The following TMCC1 variants were observed in gnomAD, a reference collection of about 807,000 sequenced individuals.
TMCC1 encodes the protein transmembrane and coiled-coil domains protein 1.
In TMCC1, 15 loss-of-function variants were observed where a neutral mutation model predicts 52.4. That is an observed-to-expected ratio of 0.29 (90% CI 0.19 to 0.44). TMCC1 has a LOEUF of 0.44. Ranked by LOEUF, TMCC1 falls within the 20% of genes least tolerant of loss-of-function variation. The pLI is 1.00. For synonymous variants in TMCC1, 279 were observed against 301.9 expected (o/e 0.92, Z 0.79); for missense variants, 503 against 806.0 (o/e 0.62, Z 4.55).
intron 5 of TMCC1, chr3:129,656,631 AT>A (rs1217184580): frequency 6.6e-6 from 1 of 152,168 alleles, no homozygotes; most frequent in Non-Finnish European, 1.5e-5. Flanking sequence ...AGAAACAAGG[AT>A]TTTTTTAAAA....
At chr3:129,685,356 G>A (rs1384090921) in intron 4 of TMCC1, among the ~76,000 whole-genome samples, 2 of 151,104 alleles carry the variant, frequency 1.3e-5, no homozygotes, top group African/African-American at 4.9e-5. Context: ...TCCAGCCTGC[G>A]CAACAGAGTG....
rs1001902319 is a variant in TMCC1 at position 129,649,924 on chromosome 3, T to A, written c.*1557A>T. On this transcript the variant is annotated 3_prime_UTR_variant, in exon 7 of 7. Transcript: ENST00000393238. ...GCTCAGTTCATTTTTCAAAACCATC[T>A]ATAGAAGTCCACTGAGCATAATTAG... 1 of 152,614 alleles carries A rather than the reference T, an allele frequency of 6.6e-6. No individual in the cohort carries two copies. Among genetic ancestry groups the A allele is most frequent in the Non-Finnish European group, 1.5e-5 (1 of 68,036 alleles). 9.5% of individuals were successfully genotyped at this position (152,614 alleles called of 1,614,324 possible). A position where few individuals can be genotyped will look rare whatever the true frequency, so the allele number is the denominator to read the frequency against.
intron 4 of TMCC1, among the ~76,000 whole-genome samples, chr3:129,781,862 A>G (rs1191276338): frequency 2.0e-5 from 3 of 152,200 alleles, no homozygotes; most frequent in African/African-American, 7.2e-5. Flanking sequence ...ATAAAACAGA[A>G]GAAAAAAGAT....
In TMCC1 at chr3:129,827,836, T is replaced by TGCAGCAGCA. The variant is rs759420997; in HGVS notation, c.534_542dup (p.Ala179_Ala181dup). 8.7e-6 allele frequency: 14 copies of TGCAGCAGCA among 1,601,146 alleles called. No individual in the cohort carries two copies. The highest frequency in any genetic ancestry group is 3.3e-5 in the South Asian group (3 of 89,970). ...CAGTTCCCTCCTCTCCTGGTAGACA[T>TGCAGCAGCA]GCAGCAGCAGCAGCAGCAGCAGCAC... On this transcript the variant is annotated inframe_insertion, in exon 4 of 7. Transcript: ENST00000393238.
At chr3:129,672,503 G>C (rs2088039809) in intron 4 of TMCC1, among the ~76,000 whole-genome samples, 1 of 152,064 alleles carries the variant, frequency 6.6e-6, no homozygotes, top group African/African-American at 2.4e-5. Context: ...GGGAAGCTGA[G>C]GTGGGAGGAT....
chr3:129,656,030 G>A (rs545742689), intron 5 of TMCC1, among the ~76,000 whole-genome samples: 3 of 152,326 alleles, frequency 2.0e-5, no homozygotes, highest in East Asian at 1.9e-4. Flanking sequence ...TGGAAGATCC[G>A]AAGAGTTGGG....
At chr3:129,716,586 T>C (rs926937749) in intron 4 of TMCC1, among the ~76,000 whole-genome samples, 1 of 150,038 alleles carries the variant, frequency 6.7e-6, no homozygotes, top group Admixed American at 6.7e-5. Context: ...CTACCTCAGG[T>C]GATCTGCCCG....
At chr3:129,834,631 A>C (rs1167847718) in intron 2 of TMCC1, among the ~76,000 whole-genome samples, 1 of 152,176 alleles carries the variant, frequency 6.6e-6, no homozygotes, top group East Asian at 1.9e-4. Flanking sequence ...AAAGATGATA[A>C]TCAGAGAAAT....
At position 129,649,915 on chromosome 3, in the gene TMCC1, A is replaced by G. The variant is rs1183629600; in HGVS notation, c.*1566T>C. The G allele has an allele frequency of 6.6e-6, 1 of 152,604 alleles. No homozygotes were observed. Among genetic ancestry groups the G allele is most frequent in the Non-Finnish European group, 1.5e-5 (1 of 68,036 alleles). 9.5% of individuals were successfully genotyped at this position (152,604 alleles called of 1,614,324 possible). A position where few individuals can be genotyped will look rare whatever the true frequency, so the allele number is the denominator to read the frequency against. On this transcript the variant is annotated 3_prime_UTR_variant, in exon 7 of 7. Transcript: ENST00000393238. ...GGGAAGGCAGCTCAGTTCATTTTTCAAAACCATCTATAGAAGTCCACTGAG... is the reference window on the plus strand; with the variant it reads ...GGGAAGGCAGCTCAGTTCATTTTTCGAAACCATCTATAGAAGTCCACTGAG...
rs1426359680 is a variant in TMCC1, at chr3:129,651,272, A to C, written c.*209T>G. 1 of 584,728 alleles carries C rather than the reference A, an allele frequency of 1.7e-6. No individual in the cohort carries two copies. Among genetic ancestry groups the C allele is most frequent in the Non-Finnish European group, 2.9e-6 (1 of 342,208 alleles). The allele number at this position is 584,728 out of a possible 1,614,324, so 36.2% of individuals were successfully genotyped here. ...AAATCATGCTACATAAAAATGATCC[A>C]AGATTTTCGCCCAAAAAACTTCTTG... On this transcript the variant is annotated 3_prime_UTR_variant, in exon 7 of 7. Transcript: ENST00000393238. The surrounding 1 kb of genome is among the most constrained non-coding windows in gnomAD (Gnocchi z 5.1).
At position 129,893,630 on chromosome 3, in the gene TMCC1, C is replaced by G. The variant is rs1577257082; in HGVS notation, c.-571G>C. ...CCCCCTCCCGACCCTCCCCCCGCGC[C>G]GCCTCAGCCGCCGCCGCCTCAGTCA... On this transcript the variant is annotated 5_prime_UTR_variant, in exon 1 of 7. Coordinates refer to ENST00000393238, the MANE Select transcript of TMCC1 (RefSeq NM_001017395.5). 6.6e-6 allele frequency: 1 copy of G among 152,376 alleles called. No individual in the cohort carries two copies. The highest frequency in any genetic ancestry group is 1.8e-4 in the South Asian group (1 of 5,654). 9.4% of individuals were successfully genotyped at this position (152,376 alleles called of 1,614,324 possible).
At chr3:129,700,170 G>A (rs1220546850) in intron 4 of TMCC1, among the ~76,000 whole-genome samples, 1 of 151,978 alleles carries the variant, frequency 6.6e-6, no homozygotes, top group Non-Finnish European at 1.5e-5. Flanking sequence ...GAGCTCAGGA[G>A]TTCCAGACTA....
intron 4 of TMCC1, among the ~76,000 whole-genome samples, chr3:129,690,154 T>C (rs1172540514): frequency 6.6e-6 from 1 of 152,226 alleles, no homozygotes; most frequent in Non-Finnish European, 1.5e-5. Flanking sequence ...AAAATATATG[T>C]ACAAGTATTT....
At chr3:129,846,351 T>C (rs2059664185) in intron 2 of TMCC1, among the ~76,000 whole-genome samples, 1 of 152,184 alleles carries the variant, frequency 6.6e-6, no homozygotes, top group African/African-American at 2.4e-5. Context: ...ACACTACTTA[T>C]AGAAGTGAAA....
At chr3:129,795,371 T>C (rs754835787) in intron 4 of TMCC1, among the ~76,000 whole-genome samples, 4 of 152,222 alleles carry the variant, frequency 2.6e-5, no homozygotes, top group Non-Finnish European at 5.9e-5. Context: ...TTTCATTTAA[T>C]GAAACTTTCC....
At position 129,651,809 on chromosome 3, in the gene TMCC1, C is replaced by T; in HGVS notation, c.1648-14G>A. 6.2e-7 allele frequency: 1 copy of T among 1,607,972 alleles called. No individual in the cohort carries two copies. The highest frequency in any genetic ancestry group is 8.5e-7 in the Non-Finnish European group (1 of 1,176,800). ...CTCCAGGGCCTCCTGTGGGCCAGAA[C>T]AGGGAAGAGTTAAGCCTTCTGCTCA... On this transcript the variant is annotated splice_polypyrimidine_tract_variant and intron_variant, in intron 6 of 6. Transcript: ENST00000393238. The surrounding 1 kb of genome is among the most constrained non-coding windows in gnomAD (Gnocchi z 5.1).
intron 4 of TMCC1, among the ~76,000 whole-genome samples, chr3:129,801,623 T>C (rs1436703950): frequency 6.6e-6 from 1 of 152,092 alleles, no homozygotes; most frequent in African/African-American, 2.4e-5. Flanking sequence ...CACACCTGCC[T>C]AATTTTTGTA....
rs964211325 is a variant in TMCC1, at chr3:129,649,112, T to C, written c.*2369A>G. ...GGCAAATAGGAACAGTTTCAATCCA[T>C]CTATCAAAGTGACTTCCAGTGCCCA... On this transcript the variant is annotated 3_prime_UTR_variant, in exon 7 of 7. Coordinates refer to ENST00000393238, the MANE Select transcript of TMCC1 (RefSeq NM_001017395.5). 6.6e-6 allele frequency: 1 copy of C among 152,180 alleles called. No individual in the cohort carries two copies. Among genetic ancestry groups the C allele is most frequent in the Admixed American group, 6.5e-5 (1 of 15,276 alleles). 9.4% of individuals were successfully genotyped at this position (152,180 alleles called of 1,614,324 possible).
chr3:129,654,389 C>T (rs1270507102), intron 6 of TMCC1, among the ~76,000 whole-genome samples: 1 of 152,226 alleles, frequency 6.6e-6, no homozygotes. Flanking sequence ...TTCTGGCCCA[C>T]TTCCCTTCTC....
Sources: gnomAD v4.1 joint callset for allele counts (sites outside exome capture counted in the v4.1 genomes callset) on GRCh38, gnomAD v4.1.1 for gene constraint, Gnocchi (gnomAD v3.1) non-coding constraint, MANE v1.5 for transcripts, NCBI Gene and HGNC (gene_info 2026-07-23, HGNC 2026-07-21) for gene names.